Variants in SECISBP2 observed in about 807,000 individuals in gnomAD.
SECISBP2 encodes selenocysteine insertion sequence-binding protein 2.
SECISBP2 carries 96 observed loss-of-function variants against 98.2 expected under a neutral mutation model. The ratio of observed to expected loss-of-function variants is 0.98; its 90% CI spans 0.83 to 1.16. The LOEUF is 1.16. Among genes scored for constraint, SECISBP2 ranks in the 50% most tolerant of loss-of-function variants. The probability of loss-of-function intolerance (pLI) is 0.00; values close to 1 mark genes in which losing one functional copy is unlikely to be tolerated. For missense variants in SECISBP2, 1,046 were observed against 1,022.9 expected, an observed-to-expected ratio of 1.02 and a Z score of -0.31; for synonymous variants, 407 against 370.2, an observed-to-expected ratio of 1.10 and a Z score of -1.14.
chr9:89,357,561 C>A lies in SECISBP2; in HGVS notation c.2264C>A (p.Ala755Asp). 1.2e-6 allele frequency: 2 copies of A among 1,613,488 alleles called. No individual in the cohort carries two copies. The highest frequency in any genetic ancestry group is 1.1e-5 in the South Asian group (1 of 91,050). The change falls in exon 15 of 17, where the codon GCC becomes GAC. Residue 755 changes from alanine (A) to aspartate (D), a missense_variant. Physicochemically the swap from Ala to Asp is moderately radical, Grantham distance 126. Coordinates refer to ENST00000375807, the MANE Select transcript of SECISBP2 (RefSeq NM_024077.5). ...SVVGIFSYDG[A>D]QDQFHKMVEL... ...GTGGGGATCTTCAGCTATGATGGGGCCCAGGTGAGTGCACAGGGCACAGGC... is the reference window on the plus strand; with the variant it reads ...GTGGGGATCTTCAGCTATGATGGGGACCAGGTGAGTGCACAGGGCACAGGC...
chr9:89,325,414 A>G lies in SECISBP2; in HGVS notation c.183-13A>G, dbSNP rs367928222. The G allele has an allele frequency of 1.2e-5, 19 of 1,613,340 alleles. No individual in the cohort carries two copies. The African/African-American group carries it at 2.3e-4, about 19-fold the overall frequency. ...TATGAAATCTGCAACTAAAGTTTAC[A>G]CTTTTTACTTAGGCAGAAAATATAT... is the stretch of plus-strand genomic sequence containing the variant. On this transcript the variant is annotated splice_polypyrimidine_tract_variant and intron_variant, in intron 2 of 16. Transcript: ENST00000375807.
chr9:89,351,856 A>G (rs1240204987), intron 14 of SECISBP2, among the ~76,000 whole-genome samples: 1 of 152,194 alleles, frequency 6.6e-6, no homozygotes, highest in Non-Finnish European at 1.5e-5. Flanking sequence ...AGGACAGGCC[A>G]CATGCTTCCC....
chr9:89,320,355 CAA>C (rs776426275), intron 2 of SECISBP2, among the ~76,000 whole-genome samples: 2,999 of 51,552 alleles, frequency 0.058, 21 homozygotes, highest in African/African-American at 0.087. Context: ...GACTCTGTCT[CAA>C]AAAAAAAAAA....
downstream of SECISBP2, chr9:89,362,312 G>A (rs1258259789): frequency 1.2e-6 from 2 of 1,609,852 alleles, no homozygotes; most frequent in African/African-American, 1.3e-5. Flanking sequence ...ACAGTTGTGG[G>A]GGACCAGGCC....
At chr9:89,363,290 C>A (rs932011915), downstream of SECISBP2, 5 of 1,289,778 alleles carry the variant, frequency 3.9e-6, no homozygotes, top group Middle Eastern at 2.8e-4. Context: ...TTGCAGATTT[C>A]ATAAAGGAAA....
At chr9:89,366,706 T>G in the SECISBP2 span, among the ~76,000 whole-genome samples, 1 of 152,250 alleles carries the variant, frequency 6.6e-6, no homozygotes, top group Admixed American at 6.5e-5. Context: ...TCCCAGCTGA[T>G]GGGCATCCAG....
Position 89,325,521 on chromosome 9 carries a change from TCTC to T in SECISBP2, c.280_282del (p.Pro94del), listed in dbSNP as rs1826540350. On this transcript the variant is annotated inframe_deletion, in exon 3 of 17. Transcript: ENST00000375807. ...GATAACTCTTCATCCATATGCCTAT[TCTC>T]CTTATACCCTTGACTCCACACAGAA... 3.1e-6 allele frequency: 5 copies of T among 1,613,900 alleles called. No homozygotes were observed. Among genetic ancestry groups the T allele is most frequent in the Non-Finnish European group, 3.4e-6 (4 of 1,179,984 alleles).
At chr9:89,333,320 C>G (rs1206147706) in intron 6 of SECISBP2, among the ~76,000 whole-genome samples, 3 of 152,182 alleles carry the variant, frequency 2.0e-5, no homozygotes, top group Non-Finnish European at 2.9e-5. Context: ...CCAAAGAGCT[C>G]TTGTTTATTT....
At position 89,338,441 on chromosome 9, in the gene SECISBP2, T is replaced by C; in HGVS notation, c.1090-17T>C. Reference sequence around the variant, plus strand: ...CGCCCTAAAAACAGGATTTTTTGCTTTGATTTTCTGTTCTAGTCTAAAGCA... The same window carrying C: ...CGCCCTAAAAACAGGATTTTTTGCTCTGATTTTCTGTTCTAGTCTAAAGCA... On this transcript the variant is annotated splice_polypyrimidine_tract_variant and intron_variant, in intron 7 of 16. Coordinates refer to ENST00000375807, the MANE Select transcript of SECISBP2 (RefSeq NM_024077.5). The C allele has an allele frequency of 1.2e-6, 2 of 1,612,860 alleles. No individual in the cohort carries two copies. The highest frequency in any genetic ancestry group is 8.5e-7 in the Non-Finnish European group (1 of 1,179,742).
intron 11 of SECISBP2, 26 bp from the exon 12 acceptor site, chr9:89,348,053 T>G (rs750600618): frequency 1.9e-6 from 3 of 1,590,638 alleles, no homozygotes; most frequent in South Asian, 2.2e-5. Flanking sequence ...TATTTAGGCA[T>G]TTTAATTGTT....
intron 4 of SECISBP2, among the ~76,000 whole-genome samples, chr9:89,327,215 T>C (rs774432460): frequency 6.6e-6 from 1 of 152,020 alleles, no homozygotes; most frequent in Non-Finnish European, 1.5e-5. Context: ...GCACTTACCA[T>C]GAATGGAGCT....
At position 89,334,527 on chromosome 9, in the gene SECISBP2, T is replaced by C. The variant is rs1338804169; in HGVS notation, c.886T>C (p.Ser296Pro). Residue 296 changes from serine (S) to proline (P), a missense_variant, in exon 7 of 17, where the codon TCT (serine) becomes CCT (proline). By Grantham distance (74) the Ser-to-Pro change is moderately conservative. Coordinates refer to ENST00000375807, the MANE Select transcript of SECISBP2 (RefSeq NM_024077.5). Reference protein sequence around the residue: ...TNSPSCTRELSWTPMGYVVRQ... With the variant: ...TNSPSCTRELPWTPMGYVVRQ... ...TTTTGGTTATCTTTGAGCAGAGTTA[T>C]CTTGGACACCAATGGGTTATGTTGT... 13 of 1,614,006 alleles carry C rather than the reference T, an allele frequency of 8.1e-6. No homozygotes were observed. Among genetic ancestry groups the C allele is most frequent in the Non-Finnish European group, 1.1e-5 (13 of 1,179,976 alleles).
Position 89,342,137 on chromosome 9 carries a change from A to G in SECISBP2, c.1435+658A>G, listed in dbSNP as rs79281274. Among the ~76,000 whole-genome samples, 580 of 152,344 alleles carry G rather than the reference A, an allele frequency of 3.8e-3. 2 individuals are homozygous for G. Among genetic ancestry groups the G allele is most frequent in the Non-Finnish European group, 5.1e-3 (346 of 68,032 alleles). ...AAATGGGCAAAGGACTGGAAAAGAC[A>G]TTTCTCCAGAAGTACACAAGTGGTC... On this transcript the variant is annotated intron_variant, in intron 10 of 16. Coordinates refer to ENST00000375807, the MANE Select transcript of SECISBP2 (RefSeq NM_024077.5).
intron 11 of SECISBP2, among the ~76,000 whole-genome samples, chr9:89,347,493 A>G (rs1330611946): frequency 9.6e-6 from 1 of 104,710 alleles, no homozygotes; most frequent in African/African-American, 3.7e-5. Context: ...TTTTTTTGAG[A>G]CGGAGTTTTG....
At chr9:89,354,392 G>C (rs951832043) in intron 14 of SECISBP2, among the ~76,000 whole-genome samples, 1 of 152,206 alleles carries the variant, frequency 6.6e-6, no homozygotes. Context: ...CCAGGCTCCA[G>C]CTTCCAAAAG....
intron 2 of SECISBP2, chr9:89,324,286 G>A (rs1228410625): frequency 6.6e-6 from 1 of 152,160 alleles, no homozygotes; most frequent in Non-Finnish European, 1.5e-5. Context: ...CAGTTGTTTT[G>A]TTGGACAGAC....
At chr9:89,344,130 C>T (rs1830095285) in intron 10 of SECISBP2, among the ~76,000 whole-genome samples, 1 of 152,164 alleles carries the variant, frequency 6.6e-6, no homozygotes, top group African/African-American at 2.4e-5. Context: ...TGAAAAGTGT[C>T]TGTTCATGTC....
chr9:89,350,030 T>C, intron 13 of SECISBP2, 101 bp downstream of exon 13: 2 of 1,421,302 alleles, frequency 1.4e-6, no homozygotes, highest in Non-Finnish European at 2.0e-6. Flanking sequence ...TGGGCCACAC[T>C]GTGCTTTAAA....
Position 89,334,640 on chromosome 9 carries a change from T to G in SECISBP2, c.999T>G (p.Asp333Glu). ...INLKTIASSA[D>E]PKNVSIPSSE... ...TAAAGACCATTGCTTCATCAGCAGA[T>G]CCTAAAAATGTTAGTATACCATCTT... The change falls in exon 7 of 17, where the codon GAT becomes GAG. Residue 333 changes from aspartate to glutamate, a missense_variant. Transcript: ENST00000375807. The G allele has an allele frequency of 6.2e-7, 1 of 1,614,088 alleles. No homozygotes were observed. Among genetic ancestry groups the G allele is most frequent in the African/African-American group, 1.3e-5 (1 of 75,072 alleles).
Sources: allele counts gnomAD v4.1 joint callset (sites outside exome capture counted in the v4.1 genomes callset), GRCh38; gene constraint gnomAD v4.1.1; transcripts MANE v1.5; gene names NCBI Gene and HGNC (gene_info 2026-07-23, HGNC 2026-07-21).